SLCO5A1: variants seen among roughly 807,000 people sequenced by gnomAD.
SLCO5A1 encodes solute carrier organic anion transporter family member 5A1.
SLCO5A1 carries 39 observed loss-of-function variants against 65.1 expected under a neutral mutation model. That is an observed-to-expected ratio of 0.60 (90% CI 0.46 to 0.78). The LOEUF is 0.78. Ranked by LOEUF, SLCO5A1 falls within the 30% of genes least tolerant of loss-of-function variation. SLCO5A1 has a pLI of 0.00. For missense variants in SLCO5A1, 1,029 were observed against 1,069.4 expected (o/e 0.96, Z 0.53); for synonymous variants, 438 against 415.7 (o/e 1.05, Z -0.65).
intron 2 of SLCO5A1, among the ~76,000 whole-genome samples, chr8:69,828,614 A>C (rs950203697): frequency 6.6e-6 from 1 of 152,074 alleles, no homozygotes; most frequent in Non-Finnish European, 1.5e-5. Flanking sequence ...AAAAAAAAGA[A>C]AAGAAAAGAA....
chr8:69,704,526 A>G (rs1395681561), intron 6 of SLCO5A1, among the ~76,000 whole-genome samples: 1 of 152,212 alleles, frequency 6.6e-6, no homozygotes, highest in Non-Finnish European at 1.5e-5. Context: ...AATTGAAAAT[A>G]CATATCCACA....
chr8:69,741,383 T>C (rs1269763387), intron 4 of SLCO5A1, among the ~76,000 whole-genome samples: 1 of 152,292 alleles, frequency 6.6e-6, no homozygotes, highest in African/African-American at 2.4e-5. Flanking sequence ...GATTGACTGG[T>C]TGACGATTAT....
chr8:69,818,270 C>CAG (rs776866846), intron 2 of SLCO5A1, among the ~76,000 whole-genome samples: 107 of 152,304 alleles, frequency 7.0e-4, no homozygotes, highest in Admixed American at 1.2e-3. Context: ...ACCCCAAACC[C>CAG]AGAGAGAGAG....
intron 5 of SLCO5A1, among the ~76,000 whole-genome samples, chr8:69,720,634 G>A (rs922534863): frequency 6.6e-6 from 1 of 152,186 alleles, no homozygotes; most frequent in African/African-American, 2.4e-5. Flanking sequence ...AAGAGAAAAC[G>A]TCATGTTTTA....
intron 2 of SLCO5A1, among the ~76,000 whole-genome samples, chr8:69,799,678 C>A (rs991803087): frequency 6.6e-6 from 1 of 152,142 alleles, no homozygotes; most frequent in African/African-American, 2.4e-5. Context: ...GAAGGGGAAG[C>A]AAAAACGTCC....
At chr8:69,829,107 A>G (rs1821052138) in intron 2 of SLCO5A1, among the ~76,000 whole-genome samples, 1 of 152,210 alleles carries the variant, frequency 6.6e-6, no homozygotes, top group South Asian at 2.1e-4. Flanking sequence ...CAATGGAAAG[A>G]CCCACCAATC....
intron 3 of SLCO5A1, among the ~76,000 whole-genome samples, chr8:69,758,241 C>A (rs1436636945): frequency 6.6e-6 from 1 of 152,126 alleles, no homozygotes. Context: ...GGCTGGAGTG[C>A]AGTGGCACGA....
At chr8:69,767,889 C>CAAAA (rs746004982) in intron 2 of SLCO5A1, among the ~76,000 whole-genome samples, 4 of 34,976 alleles carry the variant, frequency 1.1e-4, no homozygotes, top group Non-Finnish European at 2.2e-4. Context: ...GACTCCATCT[C>CAAAA]AAAAAAAAAA....
rs760505473 is a variant in SLCO5A1 at position 69,705,147 on chromosome 8, T to C, written c.1506A>G (p.Glu502=). 7.4e-6 allele frequency: 12 copies of C among 1,614,194 alleles called. No individual in the cohort carries two copies. Among genetic ancestry groups the C allele is most frequent in the Non-Finnish European group, 1.0e-5 (12 of 1,180,024 alleles). ...IIKKLKLGAR[E]SAKLAMICSG... ...TGCAGATCATTGCTAGTTTTGCAGA[T>C]TCTCTGGCACCAAGTTTCAATTTTT... is the stretch of plus-strand genomic sequence containing the variant. The change falls in exon 6 of 10, where the codon GAA becomes GAG. Residue 502 remains glutamate (E), a synonymous_variant. Transcript: ENST00000260126.
rs148514901 is a variant in SLCO5A1, at chr8:69,805,805, G to A, written c.907+25962C>T. ...AAAAGGGAACAAGTCCCATAGCAGC[G>A]TTGGGGAGGCTCAGGGTCCTAGATC... On this transcript the variant is annotated intron_variant, in intron 2 of 9. Coordinates refer to ENST00000260126, the MANE Select transcript of SLCO5A1 (RefSeq NM_030958.3). Among the ~76,000 whole-genome samples, 390 of 152,274 alleles carry A rather than the reference G, an allele frequency of 2.6e-3. 4 individuals are homozygous for A. Among genetic ancestry groups the A allele is most frequent in the African/African-American group, 8.5e-3 (355 of 41,562 alleles).
At chr8:69,713,461 C>T (rs768142938) in intron 5 of SLCO5A1, 7 of 152,192 alleles carry the variant, frequency 4.6e-5, no homozygotes, top group African/African-American at 9.7e-5. Flanking sequence ...CTCTCTCCCT[C>T]CCTCCTCCCT....
chr8:69,819,815 T>C (rs1329073920), intron 2 of SLCO5A1, among the ~76,000 whole-genome samples: 1 of 151,992 alleles, frequency 6.6e-6, no homozygotes, highest in Non-Finnish European at 1.5e-5. Context: ...TACAAAAATT[T>C]GCCAGGCATG....
At chr8:69,788,354 G>A (rs980818671) in intron 2 of SLCO5A1, among the ~76,000 whole-genome samples, 1 of 152,142 alleles carries the variant, frequency 6.6e-6, no homozygotes, top group Non-Finnish European at 1.5e-5. Flanking sequence ...GTAATCTGCT[G>A]AGTCTAGGAC....
chr8:69,786,708 G>A (rs1819054235), intron 2 of SLCO5A1, among the ~76,000 whole-genome samples: 1 of 152,190 alleles, frequency 6.6e-6, no homozygotes, highest in South Asian at 2.1e-4. Flanking sequence ...AAAATGGAGA[G>A]CTAAAGTACA....
At chr8:69,738,588 G>C (rs1212351353) in intron 4 of SLCO5A1, among the ~76,000 whole-genome samples, 2 of 152,130 alleles carry the variant, frequency 1.3e-5, no homozygotes, top group African/African-American at 4.8e-5. Context: ...TAAAGTGCCT[G>C]CAATGCAGCC....
chr8:69,832,782 G>A lies in SLCO5A1; in HGVS notation c.-109C>T. 7.5e-7 allele frequency: 1 copy of A among 1,330,502 alleles called. No individual in the cohort carries two copies. The highest frequency in any genetic ancestry group is 1.0e-6 in the Non-Finnish European group (1 of 995,414). The allele number at this position is 1,330,502 out of a possible 1,614,324, so 82.4% of individuals were successfully genotyped here. On this transcript the variant is annotated 5_prime_UTR_variant, in exon 2 of 10. Transcript: ENST00000260126. This position sits in a 1 kb window ranked among gnomAD's most constrained non-coding sequence, Gnocchi z 4.5. ...GGCCCAGTCAGTCTTGCCCACCTGG[G>A]ACTGGGGCTGGGGGCGCAGGGCCGC...
intron 2 of SLCO5A1, among the ~76,000 whole-genome samples, chr8:69,824,839 C>G (rs368625029): frequency 7.2e-5 from 11 of 152,072 alleles, no homozygotes; most frequent in South Asian, 2.1e-4. Flanking sequence ...GAGAATTTTA[C>G]ACCAATATCC....
chr8:69,667,299 C>G lies in SLCO5A1; in HGVS notation c.*5570G>C, dbSNP rs1158542299. ...TACCTCTACACAAAACACACACACA[C>G]ACACACAAACACACACTCCACTAAG... On this transcript the variant is annotated 3_prime_UTR_variant, in exon 10 of 10. Transcript: ENST00000260126. 6.6e-6 allele frequency: 1 copy of G among 152,136 alleles called. No homozygotes were observed. Among genetic ancestry groups the G allele is most frequent in the Non-Finnish European group, 1.5e-5 (1 of 68,026 alleles). The allele number at this position is 152,136 out of a possible 1,614,324, so 9.4% of individuals were successfully genotyped here.
intron 2 of SLCO5A1, among the ~76,000 whole-genome samples, chr8:69,811,301 C>G (rs1689092824): frequency 6.6e-6 from 1 of 152,194 alleles, no homozygotes; most frequent in Non-Finnish European, 1.5e-5. Context: ...TAACCAACAG[C>G]GCCTGTCGTA....
Sources: allele counts gnomAD v4.1 joint callset (sites outside exome capture counted in the v4.1 genomes callset), GRCh38; gene constraint gnomAD v4.1.1; non-coding constraint Gnocchi (gnomAD v3.1); transcripts MANE v1.5; gene names NCBI Gene and HGNC (gene_info 2026-07-23, HGNC 2026-07-21).